The following PMPCA variants were observed in gnomAD, a reference collection of about 807,000 sequenced individuals.
PMPCA encodes mitochondrial-processing peptidase subunit alpha.
Under a neutral mutation model 59.3 loss-of-function variants are expected in PMPCA, and 47 were observed. The ratio of observed to expected loss-of-function variants is 0.79; its 90% CI spans 0.63 to 1.01. The LOEUF is 1.01. Among genes scored for constraint, PMPCA ranks in the 50% least tolerant of loss-of-function variants. PMPCA has a pLI of 0.00. For synonymous variants in PMPCA, 338 were observed against 290.3 expected (o/e 1.16, Z -1.67); for missense variants, 726 against 704.5 (o/e 1.03, Z -0.34).
rs1348951879 is a variant in PMPCA, at chr9:136,410,757, C to G, written c.71+18C>G. On this transcript the variant is annotated intron_variant, in intron 1 of 12. Coordinates refer to ENST00000371717, the MANE Select transcript of PMPCA (RefSeq NM_015160.3). ...CGGCTGAGGTGAGCCAAAGGCGAAC[C>G]AGGCTTCGGCCTGGGGCGGGGGCGG... The G allele has an allele frequency of 2.1e-6, 3 of 1,395,918 alleles. No individual in the cohort carries two copies. The highest frequency in any genetic ancestry group is 1.7e-5 in the South Asian group (1 of 57,710). 86.5% of individuals were successfully genotyped at this position (1,395,918 alleles called of 1,614,324 possible).
At chr9:136,415,655 T>G (rs1480225147) in intron 5 of PMPCA, among the ~76,000 whole-genome samples, 1 of 152,186 alleles carries the variant, frequency 6.6e-6, no homozygotes, top group African/African-American at 2.4e-5. Flanking sequence ...TTTTTGGAGA[T>G]AGAGTCTGTC....
intron 4 of PMPCA, among the ~76,000 whole-genome samples, chr9:136,413,904 T>C (rs1835202108): frequency 6.6e-6 from 1 of 152,248 alleles, no homozygotes; most frequent in Admixed American, 6.5e-5. Context: ...TCCCTCTTCT[T>C]CGTGGCTGTT....
At position 136,423,126 on chromosome 9, in the gene PMPCA, C is replaced by T. The variant is rs141852055; in HGVS notation, c.1440C>T (p.Val480=). Residue 480 remains valine (V), a synonymous_variant, in exon 13 of 13, where the codon GTC becomes GTT. Transcript: ENST00000371717. ...TGAAGCCGGAAGATGTGAAGAGAGTCGCTTCTAAGATGCTCCGAGGGAAGC... is the reference window on the plus strand; with the variant it reads ...TGAAGCCGGAAGATGTGAAGAGAGTTGCTTCTAAGATGCTCCGAGGGAAGC... The part of the protein sequence containing the change: ...RNVKPEDVKR[V]ASKMLRGKPA... 6.4e-4 allele frequency: 1,026 copies of T among 1,613,254 alleles called. No individual in the cohort carries two copies. The highest frequency in any genetic ancestry group is 8.0e-4 in the Non-Finnish European group (939 of 1,179,898).
At chr9:136,418,940 G>A (rs1835365875) in intron 10 of PMPCA, 22 bp downstream of exon 10, 11 of 1,609,794 alleles carry the variant, frequency 6.8e-6, no homozygotes, top group Middle Eastern at 1.6e-4. Flanking sequence ...GCCTGCCACC[G>A]TCCTCAGTGC....
chr9:136,422,342 G>A (rs959695869), intron 12 of PMPCA: 18 of 1,165,406 alleles, frequency 1.5e-5, no homozygotes, highest in Admixed American at 7.9e-5. Context: ...TCGGAATGCC[G>A]CTGTACCGTT....
In PMPCA at chr9:136,423,465, G is replaced by A. The variant is rs1367992520; in HGVS notation, c.*201G>A. The A allele has an allele frequency of 6.5e-5, 38 of 585,672 alleles. No homozygotes were observed. The South Asian group carries it at 7.6e-4, about 12-fold the overall frequency. 36.3% of individuals were successfully genotyped at this position (585,672 alleles called of 1,614,324 possible). A position where few individuals can be genotyped will look rare whatever the true frequency, so the allele number is the denominator to read the frequency against. ...GGAGTCAGTATCGAGCCTGACCACCGCAAGCCAGGAAGCAGGTGAAGTGCC... is the reference window on the plus strand; with the variant it reads ...GGAGTCAGTATCGAGCCTGACCACCACAAGCCAGGAAGCAGGTGAAGTGCC... On this transcript the variant is annotated 3_prime_UTR_variant, in exon 13 of 13. Coordinates refer to ENST00000371717, the MANE Select transcript of PMPCA (RefSeq NM_015160.3).
intron 6 of PMPCA, 184 bp from the exon 7 acceptor site, chr9:136,416,767 C>A: frequency 1.7e-6 from 1 of 601,866 alleles, no homozygotes; most frequent in Non-Finnish European, 2.9e-6. Context: ...AATTTGTATT[C>A]TGGAGAGGCA....
chr9:136,412,101 T>A lies in PMPCA; in HGVS notation c.176T>A (p.Val59Asp), dbSNP rs1835142560. 6.2e-7 allele frequency: 1 copy of A among 1,613,702 alleles called. No homozygotes were observed. Among genetic ancestry groups the A allele is most frequent in the African/African-American group, 1.3e-5 (1 of 75,042 alleles). The change falls in exon 2 of 13, where the codon GTT becomes GAT. Residue 59 changes from valine (V) to aspartate (D), a missense_variant. Physicochemically the swap from Val to Asp is radical, Grantham distance 152. Transcript: ENST00000371717. ...PGVPKPVFAT[V>D]DGQEKFETKV... ...GTACCCAAGCCTGTTTTTGCTACAGTTGATGGACAGGAAAAGTTTGAAACC... is the reference window on the plus strand; with the variant it reads ...GTACCCAAGCCTGTTTTTGCTACAGATGATGGACAGGAAAAGTTTGAAACC...
chr9:136,419,187 T>C (rs1554790393), intron 11 of PMPCA, 81 bp downstream of exon 11: 2 of 1,266,102 alleles, frequency 1.6e-6, no homozygotes, highest in Non-Finnish European at 2.3e-6. Flanking sequence ...TGGCCACCTG[T>C]GGGCCTGGTC....
At chr9:136,418,155 C>A in intron 8 of PMPCA, 46 bp downstream of exon 8, 1 of 1,360,600 alleles carries the variant, frequency 7.3e-7, no homozygotes, top group South Asian at 1.2e-5. Context: ...TGCAGTGTGG[C>A]CGGCTCAGCC....
rs1012696967 is a variant in PMPCA, at chr9:136,423,403, G to A, written c.*139G>A. On this transcript the variant is annotated 3_prime_UTR_variant, in exon 13 of 13. Coordinates refer to ENST00000371717, the MANE Select transcript of PMPCA (RefSeq NM_015160.3). ...AACAATGTCGCCACAGCACCCACGC[G>A]GTTTGCATTCTTTTGGAACTCAATG... 2.2e-5 allele frequency: 19 copies of A among 861,718 alleles called. No individual in the cohort carries two copies. The highest frequency in any genetic ancestry group is 5.3e-5 in the East Asian group (2 of 37,578). 53.4% of individuals were successfully genotyped at this position (861,718 alleles called of 1,614,324 possible).
intron 11 of PMPCA, among the ~76,000 whole-genome samples, chr9:136,421,084 T>C (rs947095217): frequency 6.6e-6 from 1 of 152,136 alleles, no homozygotes; most frequent in African/African-American, 2.4e-5. Flanking sequence ...CCGCACTGCC[T>C]CCCTCAGAAC....
At chr9:136,412,990 G>A in intron 4 of PMPCA, 98 bp downstream of exon 4, 1 of 779,210 alleles carries the variant, frequency 1.3e-6, no homozygotes, top group Non-Finnish European at 2.3e-6. Flanking sequence ...AGCGGGAGGT[G>A]TGGAGATTCA....
Position 136,418,041 on chromosome 9 carries a change from A to G in PMPCA, c.922A>G (p.Ser308Gly). 2 of 1,613,822 alleles carry G rather than the reference A, an allele frequency of 1.2e-6. No individual in the cohort carries two copies. Among genetic ancestry groups the G allele is most frequent in the Non-Finnish European group, 1.7e-6 (2 of 1,179,658 alleles). The stretch of plus-strand genomic sequence containing the variant: ...GCTAGAAAGAGACATGTCCAATGTC[A>G]GCCTGGGCCCGACCCCCATCCCCGA... The part of the protein sequence containing the change: ...AKLERDMSNV[S>G]LGPTPIPELT... The change falls in exon 8 of 13, where the codon AGC becomes GGC. Residue 308 changes from serine to glycine, a missense_variant. Coordinates refer to ENST00000371717, the MANE Select transcript of PMPCA (RefSeq NM_015160.3).
At position 136,423,081 on chromosome 9, in the gene PMPCA, G is replaced by A. The variant is rs759212426; in HGVS notation, c.1409-14G>A. On this transcript the variant is annotated splice_polypyrimidine_tract_variant and intron_variant, in intron 12 of 12. Transcript: ENST00000371717. The stretch of plus-strand genomic sequence containing the variant: ...TGGCGCGCTCGTGTGACACGCGTTT[G>A]CCCTCTGCACTAGGCAACGTGAAGC... 4.4e-6 allele frequency: 7 copies of A among 1,607,594 alleles called. No individual in the cohort carries two copies. Among genetic ancestry groups the A allele is most frequent in the Non-Finnish European group, 5.1e-6 (6 of 1,177,738 alleles).
At position 136,412,011 on chromosome 9, in the gene PMPCA, C is replaced by T. The variant is rs185273868; in HGVS notation, c.86C>T (p.Ala29Val). Residue 29 changes from alanine to valine, a missense_variant, in exon 2 of 13, where the codon GCG becomes GTG. By Grantham distance (64) the Ala-to-Val change is moderately conservative. Transcript: ENST00000371717. ...CTCTGTTTTAGGTTTGGACCTCCTG[C>T]GTACAGACGGTTTAGTAGTGGTGGT... ...GCSRLRFGPPAYRRFSSGGAY... is the reference protein window; with the variant it reads ...GCSRLRFGPPVYRRFSSGGAY... The T allele has an allele frequency of 4.3e-6, 7 of 1,610,176 alleles. No individual in the cohort carries two copies. The highest frequency in any genetic ancestry group is 3.3e-5 in the Admixed American group (2 of 59,988).
In PMPCA at chr9:136,423,150, G is replaced by T; in HGVS notation, c.1464G>T (p.Lys488Asn). Residue 488 changes from lysine (K) to asparagine (N), a missense_variant, in exon 13 of 13, where the codon AAG (lysine) becomes AAT (asparagine). By Grantham distance (94) the Lys-to-Asn change is moderately conservative. Transcript: ENST00000371717. ...KRVASKMLRG[K>N]PAVAALGDLT... ...TCGCTTCTAAGATGCTCCGAGGGAA[G>T]CCGGCAGTGGCCGCCCTGGGTGACC... The T allele has an allele frequency of 1.2e-6, 2 of 1,613,752 alleles. No homozygotes were observed. Among genetic ancestry groups the T allele is most frequent in the South Asian group, 1.1e-5 (1 of 91,086 alleles).
chr9:136,417,982 C>G (rs762869466), intron 7 of PMPCA, 35 bp from the exon 8 acceptor site: 2 of 1,486,064 alleles, frequency 1.3e-6, no homozygotes, highest in Admixed American at 3.3e-5. Flanking sequence ...CATTGTTTTT[C>G]ACATGGCGAC....
At chr9:136,419,622 AC>A in intron 11 of PMPCA, 1 of 176,772 alleles carries the variant, frequency 5.7e-6, no homozygotes, top group East Asian at 1.5e-4. Context: ...TCACTGTCTC[AC>A]CCAGGCTGGA....
Sources: allele counts gnomAD v4.1 joint callset (sites outside exome capture counted in the v4.1 genomes callset), GRCh38; gene constraint gnomAD v4.1.1; transcripts MANE v1.5; gene names NCBI Gene and HGNC (gene_info 2026-07-23, HGNC 2026-07-21).